The following CNOT2 variants were observed in gnomAD, a reference collection of about 807,000 sequenced individuals.
CNOT2 encodes CCR4-NOT transcription complex subunit 2.
CNOT2 carries 7 observed loss-of-function variants against 72.1 expected under a neutral mutation model. That is an observed-to-expected ratio of 0.10 (90% CI 0.06 to 0.18). The LOEUF is 0.18. Ranked by LOEUF, CNOT2 falls within the 10% of genes least tolerant of loss-of-function variation. The probability of loss-of-function intolerance (pLI) is 1.00; values close to 1 mark genes in which losing one functional copy is unlikely to be tolerated. For missense variants in CNOT2, 345 were observed against 660.3 expected, an observed-to-expected ratio of 0.52 and a Z score of 5.23; for synonymous variants, 196 against 225.6, an observed-to-expected ratio of 0.87 and a Z score of 1.17.
intron 13 of CNOT2, 81 bp downstream of exon 13, chr12:70,342,388 T>C (rs942840848): frequency 5.4e-6 from 8 of 1,490,260 alleles, no homozygotes; most frequent in Non-Finnish European, 6.5e-6. Flanking sequence ...CAGCATACTA[T>C]TTTTGAAATA....
intron 2 of CNOT2, among the ~76,000 whole-genome samples, chr12:70,289,786 C>T (rs1311993573): frequency 6.6e-6 from 1 of 151,962 alleles, no homozygotes; most frequent in African/African-American, 2.4e-5. Context: ...TTCTGTTACT[C>T]ATGTTTACTA....
chr12:70,334,017 TTTAAC>T (rs1465945696), intron 7 of CNOT2, among the ~76,000 whole-genome samples: 2 of 152,010 alleles, frequency 1.3e-5, no homozygotes, highest in Non-Finnish European at 2.9e-5. Context: ...TAAATTCTGT[TTTAAC>T]TAAGCATATT....
chr12:70,258,096 G>A (rs755809748), intron 1 of CNOT2, among the ~76,000 whole-genome samples: 6 of 151,854 alleles, frequency 4.0e-5, no homozygotes, highest in Non-Finnish European at 5.9e-5. Flanking sequence ...CTATTTTCAC[G>A]TTTTCTGTTT....
At chr12:70,297,867 G>T (rs183733465) in intron 2 of CNOT2, 8 of 235,412 alleles carry the variant, frequency 3.4e-5, no homozygotes, top group Admixed American at 1.2e-4. Flanking sequence ...CCTCCAAGTA[G>T]CTGGGACTAC....
At chr12:70,332,687 A>C in intron 6 of CNOT2, 80 bp from the exon 7 acceptor site, 1 of 1,449,216 alleles carries the variant, frequency 6.9e-7, no homozygotes, top group Non-Finnish European at 9.1e-7. Context: ...TATGGAGACC[A>C]AAAATACACA....
intron 1 of CNOT2, among the ~76,000 whole-genome samples, chr12:70,265,472 T>G (rs1348219467): frequency 6.6e-6 from 1 of 152,038 alleles, no homozygotes; most frequent in Non-Finnish European, 1.5e-5. Flanking sequence ...TTATTATCCT[T>G]TTAATGCCTG....
At chr12:70,290,226 CT>C (rs143095403) in intron 2 of CNOT2, among the ~76,000 whole-genome samples, 39 of 145,694 alleles carry the variant, frequency 2.7e-4, no homozygotes, top group Admixed American at 6.8e-4. Flanking sequence ...TTCAGGTGGC[CT>C]TTTTTTTTTG....
At chr12:70,313,442 T>G (rs924044585) in intron 3 of CNOT2, among the ~76,000 whole-genome samples, 4 of 152,124 alleles carry the variant, frequency 2.6e-5, no homozygotes, top group African/African-American at 9.6e-5. Context: ...TAGGAAGACA[T>G]TTCCCAATTA....
At chr12:70,348,191 TATC>T (rs1259665120) in intron 15 of CNOT2, 1 of 152,256 alleles carries the variant, frequency 6.6e-6, no homozygotes, top group African/African-American at 2.4e-5. Flanking sequence ...CTATTGTTTT[TATC>T]ATCGTTATTA....
At chr12:70,343,767 C>G (rs559125155) in intron 13 of CNOT2, among the ~76,000 whole-genome samples, 4 of 152,128 alleles carry the variant, frequency 2.6e-5, no homozygotes, top group Non-Finnish European at 4.4e-5. Context: ...AGTAATAAAA[C>G]CAGGACTTGA....
chr12:70,319,653 A>G (rs1331522140), intron 4 of CNOT2, among the ~76,000 whole-genome samples: 4 of 151,688 alleles, frequency 2.6e-5, no homozygotes, highest in East Asian at 1.9e-4. Flanking sequence ...TAAACTAAAA[A>G]TAGACATTCT....
intron 6 of CNOT2, chr12:70,331,010 G>T (rs1368544652): frequency 6.6e-6 from 1 of 152,000 alleles, no homozygotes; most frequent in Non-Finnish European, 1.5e-5. Context: ...TGTACTGTCT[G>T]TTGCATATAC....
chr12:70,280,752 G>GT (rs1421514765), intron 2 of CNOT2, among the ~76,000 whole-genome samples: 1 of 152,124 alleles, frequency 6.6e-6, no homozygotes, highest in Non-Finnish European at 1.5e-5. Flanking sequence ...AATGGGCTTG[G>GT]TTTGAAGTAT....
chr12:70,324,519 G>T (rs1237672034), intron 4 of CNOT2, among the ~76,000 whole-genome samples: 1 of 151,726 alleles, frequency 6.6e-6, no homozygotes, highest in African/African-American at 2.4e-5. Context: ...GATTTCTAAG[G>T]TTTCCGACCT....
intron 4 of CNOT2, among the ~76,000 whole-genome samples, chr12:70,326,207 C>A (rs1359141099): frequency 1.3e-5 from 2 of 151,642 alleles, no homozygotes. Flanking sequence ...AAATTATAAC[C>A]TTTTAAACTT....
chr12:70,289,619 A>G (rs1871518724), intron 2 of CNOT2, among the ~76,000 whole-genome samples: 1 of 151,296 alleles, frequency 6.6e-6, no homozygotes, highest in Non-Finnish European at 1.5e-5. Context: ...TGCTTTGTTC[A>G]TTTTTTTCTT....
intron 3 of CNOT2, 131 bp downstream of exon 3, chr12:70,311,148 T>C: frequency 1.7e-6 from 1 of 579,932 alleles, no homozygotes; most frequent in Non-Finnish European, 3.0e-6. Context: ...TGCTAGTCCC[T>C]TTGGTGCTTG....
At chr12:70,347,413 A>G (rs1184419437) in intron 15 of CNOT2, among the ~76,000 whole-genome samples, 2 of 152,018 alleles carry the variant, frequency 1.3e-5, no homozygotes, top group African/African-American at 4.8e-5. Context: ...TGGGTGGATC[A>G]TGAGATCAGG....
intron 2 of CNOT2, among the ~76,000 whole-genome samples, chr12:70,280,027 TGTG>T (rs1486628530): frequency 6.6e-6 from 1 of 152,174 alleles, no homozygotes; most frequent in Non-Finnish European, 1.5e-5. Flanking sequence ...ATGGGGTACA[TGTG>T]GTATTTTGTT....
Sources: allele counts gnomAD v4.1 joint callset (sites outside exome capture counted in the v4.1 genomes callset), GRCh38; gene constraint gnomAD v4.1.1; transcripts MANE v1.5; gene names NCBI Gene and HGNC (gene_info 2026-07-23, HGNC 2026-07-21).